The following LRIT1 variants were observed in gnomAD, a reference collection of about 807,000 sequenced individuals.
LRIT1 encodes the protein leucine-rich repeat, immunoglobulin-like domain and transmembrane domain-containing protein 1.
LRIT1 carries 23 observed loss-of-function variants against 24.0 expected under a neutral mutation model. The observed-to-expected ratio is 0.96, with a 90% CI of 0.69 to 1.36. LRIT1 has a LOEUF of 1.36. Ranked by LOEUF, LRIT1 falls within the 40% of genes most tolerant of loss-of-function variation. LRIT1 has a pLI of 0.00. For missense variants in LRIT1, 846 were observed against 806.3 expected (o/e 1.05, Z -0.60); for synonymous variants, 361 against 340.5 (o/e 1.06, Z -0.66).
At chr10:84,238,117 G>C (rs1231936970) in intron 1 of LRIT1, among the ~76,000 whole-genome samples, 1 of 152,212 alleles carries the variant, frequency 6.6e-6, no homozygotes, top group Non-Finnish European at 1.5e-5. Context: ...ACTTTGGGAG[G>C]TGGAGGCGGG....
Position 84,241,308 on chromosome 10 carries a change from G to A in LRIT1, c.122+10C>T, listed in dbSNP as rs376847137. The A allele has an allele frequency of 7.7e-5, 125 of 1,613,738 alleles. No homozygotes were observed. The highest frequency in any genetic ancestry group is 9.7e-5 in the Non-Finnish European group (115 of 1,179,940). ...GCTGGGCTGCCCGTCCCACGCACCC[G>A]GTACCATACCTGGCCTTGCTGCCAT... On this transcript the variant is annotated intron_variant, in intron 1 of 3. Coordinates refer to ENST00000372105, the MANE Select transcript of LRIT1 (RefSeq NM_015613.3).
At chr10:84,239,823 C>G (rs960310027) in intron 1 of LRIT1, among the ~76,000 whole-genome samples, 1 of 152,178 alleles carries the variant, frequency 6.6e-6, no homozygotes, top group South Asian at 2.1e-4. Context: ...ACATGCAGAA[C>G]GAGCTTTGGT....
Position 84,241,390 on chromosome 10 carries a change from G to C in LRIT1, c.50C>G (p.Pro17Arg). The change falls in exon 1 of 4, where the codon CCC (proline) becomes CGC (arginine). Residue 17 changes from proline (P) to arginine (R), a missense_variant. By Grantham distance (103) the Pro-to-Arg change is moderately radical (BLOSUM62 -2). Coordinates refer to ENST00000372105, the MANE Select transcript of LRIT1 (RefSeq NM_015613.3). ...AGAGGGGCAGAAGCCCCGGGCCTGG[G>C]GGGGCCACGCAAGGGCCAAGAGCCA... Reference protein sequence around the residue: ...MLWLLALAWPPQARGFCPSQC... With the variant: ...MLWLLALAWPRQARGFCPSQC... 1 of 1,611,540 alleles carries C rather than the reference G, an allele frequency of 6.2e-7. No individual in the cohort carries two copies. The highest frequency in any genetic ancestry group is 8.5e-7 in the Non-Finnish European group (1 of 1,178,922).
intron 1 of LRIT1, 58 bp downstream of exon 1, chr10:84,241,260 G>C (rs1217286436): frequency 6.2e-7 from 1 of 1,611,118 alleles, no homozygotes; most frequent in African/African-American, 1.3e-5. Flanking sequence ...TCCCAACCCA[G>C]CCTAGCTGGC....
rs768541651 is a variant in LRIT1, at chr10:84,237,451, C to T, written c.358G>A (p.Ala120Thr). ...CTGAGCGCCGCCCAGGGGAAGGCGG[C>T]CAGGCGGTTCCCGGGCAGCCGCAGC... Reference protein sequence around the residue: ...RELRLPGNRLAAFPWAALRDA... With the variant: ...RELRLPGNRLTAFPWAALRDA... Residue 120 changes from alanine to threonine, a missense_variant, in exon 2 of 4, where the codon GCC becomes ACC. Physicochemically the swap from Ala to Thr is moderately conservative, Grantham distance 58. Transcript: ENST00000372105. The T allele has an allele frequency of 2.6e-6, 4 of 1,558,182 alleles. No homozygotes were observed. Among genetic ancestry groups the T allele is most frequent in the Non-Finnish European group, 3.5e-6 (4 of 1,155,276 alleles).
At chr10:84,241,013 G>A (rs1220535194) in intron 1 of LRIT1, among the ~76,000 whole-genome samples, 1 of 152,164 alleles carries the variant, frequency 6.6e-6, no homozygotes, top group Non-Finnish European at 1.5e-5. Context: ...AGATTTCCTG[G>A]ACCTTTAAGG....
rs371784633 is a variant in LRIT1, at chr10:84,232,372, A to T, written c.1427T>A (p.Val476Glu). The T allele has an allele frequency of 6.2e-7, 1 of 1,613,926 alleles. No homozygotes were observed. ...FGQHSMRRVI[V>E]QPGKTRVTIT... ...GGTCACTCTGGTCTTCCCAGGCTGC[A>T]CAATCACCCGCCGCATGCTGTGCTG... Residue 476 changes from valine (V) to glutamate (E), a missense_variant, in exon 4 of 4, where the codon GTG becomes GAG. Val to Glu is a moderately radical substitution (Grantham distance 121). Transcript: ENST00000372105.
chr10:84,234,917 A>G (rs1029154792), intron 2 of LRIT1, among the ~76,000 whole-genome samples: 7 of 152,136 alleles, frequency 4.6e-5, no homozygotes, highest in African/African-American at 1.7e-4. Flanking sequence ...ATCCTAGGCT[A>G]TATCCCCTAC....
chr10:84,236,283 A>G (rs12263473), intron 2 of LRIT1, among the ~76,000 whole-genome samples: 76,015 of 151,032 alleles, frequency 0.5, 21,812 homozygotes, highest in African/African-American at 0.8. Context: ...GCGACAGAGC[A>G]AGACTCCGTC....
rs138261576 is a variant in LRIT1 at position 84,235,853 on chromosome 10, C to T, written c.589+1367G>A. On this transcript the variant is annotated intron_variant, in intron 2 of 3. Transcript: ENST00000372105. ...CTCAAACTCCTGACTGCAAGTGATC[C>T]ACCCGTCTCGGCCTCCCAAAGTGCT... Among the ~76,000 whole-genome samples, 1,106 of 151,968 alleles carry T rather than the reference C, an allele frequency of 7.3e-3. 36 individuals are homozygous for T. Among genetic ancestry groups the T allele is most frequent in the East Asian group, 0.059 (302 of 5,088 alleles).
At chr10:84,236,935 G>A (rs1392793932) in intron 2 of LRIT1, among the ~76,000 whole-genome samples, 2 of 152,126 alleles carry the variant, frequency 1.3e-5, no homozygotes, top group African/African-American at 4.8e-5. Context: ...AAAAATAGCA[G>A]GTCCAGCTGG....
rs1842606621 is a variant in LRIT1 at position 84,232,296 on chromosome 10, C to G, written c.1503G>C (p.Gln501His). The G allele has an allele frequency of 6.2e-7, 1 of 1,614,114 alleles. No homozygotes were observed. Among genetic ancestry groups the G allele is most frequent in the Non-Finnish European group, 8.5e-7 (1 of 1,180,026 alleles). The change falls in exon 4 of 4, where the codon CAG becomes CAC. Residue 501 changes from glutamine (Q) to histidine (H), a missense_variant. By Grantham distance (24) the Gln-to-His change is conservative. Coordinates refer to ENST00000372105, the MANE Select transcript of LRIT1 (RefSeq NM_015613.3). ...ACTGCTCCTTCCGGGGCACCAGGCC[C>G]TGCACACAGACACACGCCACATACT... Reference protein sequence around the residue: ...KTKYVACVCVQGLVPRKEQCV... With the variant: ...KTKYVACVCVHGLVPRKEQCV...
At chr10:84,239,379 A>T (rs577136434) in intron 1 of LRIT1, among the ~76,000 whole-genome samples, 1 of 152,326 alleles carries the variant, frequency 6.6e-6, no homozygotes, top group African/African-American at 2.4e-5. Context: ...TAGGAGTTGG[A>T]AGCTACAGTG....
At chr10:84,232,934 C>A in intron 3 of LRIT1, 31 bp from the exon 4 acceptor site, 1 of 1,588,746 alleles carries the variant, frequency 6.3e-7, no homozygotes. Flanking sequence ...TGTGGGAGAA[C>A]GAATGGGCCC....
At chr10:84,237,777 G>T in intron 1 of LRIT1, 91 bp from the exon 2 acceptor site, 1 of 1,005,706 alleles carries the variant, frequency 9.9e-7, no homozygotes, top group Non-Finnish European at 1.4e-6. Context: ...CTCCAGTTCT[G>T]CCTGTTATCA....
At position 84,241,491 on chromosome 10, in the gene LRIT1, G is replaced by T; in HGVS notation, c.-52C>A. ...CAGGGGCCTGTCCCTGGACCGCTCC[G>T]TCCCACCGGCCCAGCAAGCTCAGCA... On this transcript the variant is annotated 5_prime_UTR_variant, in exon 1 of 4. Coordinates refer to ENST00000372105, the MANE Select transcript of LRIT1 (RefSeq NM_015613.3). 7.0e-7 allele frequency: 1 copy of T among 1,424,390 alleles called. No homozygotes were observed. Among genetic ancestry groups the T allele is most frequent in the Admixed American group, 3.0e-5 (1 of 32,916 alleles). The allele number at this position is 1,424,390 out of a possible 1,614,324, so 88.2% of individuals were successfully genotyped here.
intron 1 of LRIT1, among the ~76,000 whole-genome samples, chr10:84,240,460 T>C (rs1407065110): frequency 6.6e-6 from 1 of 152,224 alleles, no homozygotes; most frequent in Non-Finnish European, 1.5e-5. Flanking sequence ...AATAACATTG[T>C]TCCCAGGATC....
intron 3 of LRIT1, 70 bp from the exon 4 acceptor site, chr10:84,232,973 A>G: frequency 6.6e-7 from 1 of 1,522,714 alleles, no homozygotes. Context: ...TTCAGGGCCA[A>G]GTTCACAGCC....
Position 84,232,362 on chromosome 10 carries a change from C to G in LRIT1, c.1437G>C (p.Gly479=), listed in dbSNP as rs1448146554. 1 of 1,613,750 alleles carries G rather than the reference C, an allele frequency of 6.2e-7. No homozygotes were observed. The highest frequency in any genetic ancestry group is 1.3e-5 in the African/African-American group (1 of 74,926). ...GCCCAGTGATGGTCACTCTGGTCTTCCCAGGCTGCACAATCACCCGCCGCA... is the reference window on the plus strand; with the variant it reads ...GCCCAGTGATGGTCACTCTGGTCTTGCCAGGCTGCACAATCACCCGCCGCA... ...HSMRRVIVQP[G]KTRVTITGLL... Residue 479 remains glycine (G), a synonymous_variant, in exon 4 of 4, where the codon GGG becomes GGC. Transcript: ENST00000372105.
Sources: gnomAD v4.1 joint callset for allele counts (sites outside exome capture counted in the v4.1 genomes callset) on GRCh38, gnomAD v4.1.1 for gene constraint, MANE v1.5 for transcripts, NCBI Gene and HGNC (gene_info 2026-07-23, HGNC 2026-07-21) for gene names.